NGEF: variants seen among roughly 807,000 people sequenced by gnomAD.
NGEF encodes the protein neuronal guanine nucleotide exchange factor, also known as ephexin-1.
Under a neutral mutation model 80.9 loss-of-function variants are expected in NGEF, and 31 were observed. The observed-to-expected ratio is 0.38, with a 90% CI of 0.29 to 0.52. The LOEUF (loss-of-function observed/expected upper bound fraction) is 0.52. Ranked by LOEUF, NGEF falls within the 20% of genes least tolerant of loss-of-function variation. The pLI is 0.84. For missense variants in NGEF, 709 were observed against 926.2 expected, an observed-to-expected ratio of 0.77 and a Z score of 3.04; for synonymous variants, 371 against 370.2, an observed-to-expected ratio of 1.00 and a Z score of -0.03.
chr2:232,918,304 T>C (rs1692855495), intron 5 of NGEF, among the ~76,000 whole-genome samples: 1 of 152,188 alleles, frequency 6.6e-6, no homozygotes, highest in South Asian at 2.1e-4. Flanking sequence ...TTTTGCCATG[T>C]TGGCCAGGGT....
chr2:232,921,505 G>A (rs191815821), intron 4 of NGEF, among the ~76,000 whole-genome samples: 1 of 152,226 alleles, frequency 6.6e-6, no homozygotes, highest in Admixed American at 6.5e-5. Flanking sequence ...AGGCTGGAGG[G>A]CAGTGGTGCA....
chr2:232,943,212 G>A (rs1384441884), intron 3 of NGEF, among the ~76,000 whole-genome samples: 3 of 150,968 alleles, frequency 2.0e-5, no homozygotes, highest in Admixed American at 1.3e-4. Context: ...AGAAATACAA[G>A]TTTCTATTTG....
chr2:232,905,484 C>T lies in NGEF; in HGVS notation c.829-10568G>A, dbSNP rs576126345. On this transcript the variant is annotated intron_variant, in intron 5 of 14. Coordinates refer to ENST00000264051, the MANE Select transcript of NGEF (RefSeq NM_019850.3). ...CACCTCCCAGCCGCCTGTCTTGGCC[C>T]CCCAAAGTGCGGAGATTGCAGCCTC... is the stretch of plus-strand genomic sequence containing the variant. Among the ~76,000 whole-genome samples, 925 of 152,292 alleles carry T rather than the reference C, an allele frequency of 6.1e-3. 9 individuals are homozygous for T. Among genetic ancestry groups the T allele is most frequent in the African/African-American group, 0.021 (855 of 41,554 alleles).
chr2:232,887,650 G>C (rs897836316), intron 9 of NGEF, among the ~76,000 whole-genome samples: 9 of 152,184 alleles, frequency 5.9e-5, no homozygotes, highest in Non-Finnish European at 1.3e-4. Context: ...GTCTGTGTGG[G>C]CCCCAGATGC....
chr2:232,883,514 T>TG, intron 11 of NGEF, 48 bp from the exon 12 acceptor site: 1 of 1,493,228 alleles, frequency 6.7e-7, no homozygotes, highest in Non-Finnish European at 8.9e-7. Flanking sequence ...AGGAGGCCTG[T>TG]GGGGGTCCCA....
At chr2:232,895,403 T>C (rs3738902) in intron 5 of NGEF, among the ~76,000 whole-genome samples, 5,623 of 151,980 alleles carry the variant, frequency 0.037, 252 homozygotes, top group East Asian at 0.24. Context: ...AGCACATGCC[T>C]GTAATCCTAG....
chr2:232,927,169 G>A lies in NGEF; in HGVS notation c.401C>T (p.Pro134Leu), dbSNP rs1456521794. 6.3e-7 allele frequency: 1 copy of A among 1,598,338 alleles called. No homozygotes were observed. Among genetic ancestry groups the A allele is most frequent in the Non-Finnish European group, 8.5e-7 (1 of 1,173,922 alleles). Reference protein sequence around the residue: ...AQEMSESSSTPGNGATPEEWP... With the variant: ...AQEMSESSSTLGNGATPEEWP... ...CTCCTCGGGCGTGGCCCCATTTCCC[G>A]GGGTGGAGGACGACTCACTGCCAGA... The change falls in exon 4 of 15, where the codon CCG becomes CTG. Residue 134 changes from proline (P) to leucine (L), a missense_variant. Physicochemically the swap from Pro to Leu is moderately conservative, Grantham distance 98 (BLOSUM62 -3). Coordinates refer to ENST00000264051, the MANE Select transcript of NGEF (RefSeq NM_019850.3).
At chr2:232,919,378 G>A (rs1053562223) in intron 5 of NGEF, among the ~76,000 whole-genome samples, 2 of 152,116 alleles carry the variant, frequency 1.3e-5, no homozygotes, top group Admixed American at 6.5e-5. Context: ...GGAGTGAGAC[G>A]GAGCGGAAGA....
intron 1 of NGEF, among the ~76,000 whole-genome samples, chr2:232,981,103 A>G (rs1318617605): frequency 4.0e-5 from 6 of 149,274 alleles, no homozygotes. Flanking sequence ...GTGGAAAACA[A>G]GAGAAAGGAG....
intron 3 of NGEF, among the ~76,000 whole-genome samples, chr2:232,948,216 TCTCA>T (rs1173961789): frequency 6.7e-6 from 1 of 150,112 alleles, no homozygotes; most frequent in Non-Finnish European, 1.5e-5. Flanking sequence ...TGAGACAGAG[TCTCA>T]CTCTGTCATC....
chr2:232,927,877 A>T (rs1290981879), intron 3 of NGEF: 3 of 1,267,042 alleles, frequency 2.4e-6, no homozygotes, highest in Non-Finnish European at 3.0e-6. Flanking sequence ...GGGCCGGGAC[A>T]GGCGCCCGTC....
At position 232,999,468 on chromosome 2, in the gene NGEF, G is replaced by A. The variant is rs113971712; in HGVS notation, c.-75+13600C>T. On this transcript the variant is annotated intron_variant, in intron 1 of 14. Coordinates refer to ENST00000264051, the MANE Select transcript of NGEF (RefSeq NM_019850.3). ...CCCTCTGGACATGCTGGTGACAGCA[G>A]CCACTCTAAGCCAGGTGGGAGAGGA... Among the ~76,000 whole-genome samples, 506 of 152,314 alleles carry A rather than the reference G, an allele frequency of 3.3e-3. 5 individuals carry two copies. The highest frequency in any genetic ancestry group is 0.011 in the African/African-American group (476 of 41,572).
intron 9 of NGEF, among the ~76,000 whole-genome samples, chr2:232,887,132 G>T (rs984890025): frequency 6.6e-6 from 1 of 152,202 alleles, no homozygotes; most frequent in Non-Finnish European, 1.5e-5. Flanking sequence ...CTTCTGCCAT[G>T]GGGTGACAAA....
intron 5 of NGEF, among the ~76,000 whole-genome samples, chr2:232,904,246 C>T (rs1692438023): frequency 6.6e-6 from 1 of 152,170 alleles, no homozygotes; most frequent in Non-Finnish European, 1.5e-5. Flanking sequence ...GAGAGCCTCA[C>T]ATCATTCCAG....
chr2:233,012,872 G>A (rs1695242613), intron 1 of NGEF, 196 bp downstream of exon 1: 1 of 471,030 alleles, frequency 2.1e-6, no homozygotes. Context: ...TGAGTGCCAG[G>A]AGGGGCAGTG....
In NGEF at chr2:232,884,147, G is replaced by A. The variant is rs745502462; in HGVS notation, c.1438-3C>T. 4.4e-6 allele frequency: 7 copies of A among 1,591,384 alleles called. No individual in the cohort carries two copies. Among genetic ancestry groups the A allele is most frequent in the South Asian group, 1.1e-5 (1 of 88,740 alleles). On this transcript the variant is annotated splice_region_variant and splice_polypyrimidine_tract_variant and intron_variant, in intron 10 of 14. Transcript: ENST00000264051. ...GAGTGGGAGATGATGGGCACCGACT[G>A]CAGCGGGGAAAGGGCATCAGGCAGG... is the stretch of plus-strand genomic sequence containing the variant.
At chr2:232,948,606 T>C (rs1294460142) in intron 3 of NGEF, among the ~76,000 whole-genome samples, 1 of 152,156 alleles carries the variant, frequency 6.6e-6, no homozygotes, top group Admixed American at 6.5e-5. Flanking sequence ...ATATGGGAGC[T>C]TATTGTGCTA....
intron 3 of NGEF, among the ~76,000 whole-genome samples, chr2:232,949,274 G>A (rs1693627122): frequency 1.3e-5 from 2 of 152,072 alleles, no homozygotes; most frequent in Non-Finnish European, 2.9e-5. Flanking sequence ...ATCATAGTGG[G>A]CACTCTGTAA....
chr2:232,943,213 T>A (rs1026759724), intron 3 of NGEF, among the ~76,000 whole-genome samples: 2 of 151,894 alleles, frequency 1.3e-5, no homozygotes, highest in Admixed American at 6.6e-5. Context: ...GAAATACAAG[T>A]TTCTATTTGA....
Sources: allele counts gnomAD v4.1 joint callset (sites outside exome capture counted in the v4.1 genomes callset), GRCh38; gene constraint gnomAD v4.1.1; transcripts MANE v1.5; gene names NCBI Gene and HGNC (gene_info 2026-07-23, HGNC 2026-07-21).